BEND7: variants seen among roughly 807,000 people sequenced by gnomAD.
BEND7 encodes the protein BEN domain-containing protein 7.
A neutral mutation model predicts 50.9 loss-of-function variants in BEND7; 28 were observed. That is an observed-to-expected ratio of 0.55 (90% confidence interval 0.41 to 0.75). The LOEUF is 0.75. BEND7 is among the 30% of genes least tolerant of loss of function. BEND7 has a pLI of 0.00. For synonymous variants in BEND7, 170 were observed against 183.9 expected (o/e 0.92, Z 0.61); for missense variants, 477 against 491.3 (o/e 0.97, Z 0.28).
chr10:13,441,878 A>G, intron 8 of BEND7, 128 bp from the exon 9 acceptor site: 1 of 900,782 alleles, frequency 1.1e-6, no homozygotes, highest in African/African-American at 1.7e-5. Context: ...CAAAAGAAGA[A>G]AAAGAAGCCA....
downstream of BEND7, chr10:13,441,020 A>G (rs1266741227): frequency 2.5e-6 from 2 of 805,434 alleles, no homozygotes; most frequent in Middle Eastern, 1.3e-3. Flanking sequence ...CCTTTTAATT[A>G]ATGAACAGCA....
chr10:13,507,921 A>T lies in BEND7; in HGVS notation c.146-7841T>A, dbSNP rs952554760. 2.0e-5 allele frequency among the ~76,000 whole-genome samples: 3 copies of T among 152,264 alleles called. No homozygotes were observed. The East Asian group carries it at 5.8e-4, about 29-fold the overall frequency. On this transcript the variant is annotated intron_variant, in intron 2 of 8. Transcript: ENST00000466271. The stretch of plus-strand genomic sequence containing the variant: ...AAGAGTTTATCAGTGAGAAATAATA[A>T]GATGACCAGGATTATACTATATGGT...
chr10:13,507,091 G>A (rs1439817549), intron 2 of BEND7, among the ~76,000 whole-genome samples: 3 of 152,244 alleles, frequency 2.0e-5, no homozygotes, highest in African/African-American at 7.2e-5. Context: ...AAGCCCCTGA[G>A]GGTCATGGAT....
At position 13,496,895 on chromosome 10, in the gene BEND7, A is replaced by G. The variant is rs2077055927; in HGVS notation, c.449-7T>C. The G allele has an allele frequency of 6.3e-7, 1 of 1,593,108 alleles. No homozygotes were observed. Reference sequence around the variant, plus strand: ...TTCACCACTGGAAGTTCTCCTGAGCATGAAAGAAAAGAATGACATACTCCA... The same window carrying G: ...TTCACCACTGGAAGTTCTCCTGAGCGTGAAAGAAAAGAATGACATACTCCA... On this transcript the variant is annotated splice_region_variant and splice_polypyrimidine_tract_variant and intron_variant, in intron 3 of 8. Coordinates refer to ENST00000466271, the MANE Select transcript of BEND7 (RefSeq NM_001369863.1).
At chr10:13,519,442 C>T (rs954847093) in intron 2 of BEND7, among the ~76,000 whole-genome samples, 12 of 151,510 alleles carry the variant, frequency 7.9e-5, no homozygotes, top group Admixed American at 3.3e-4. Flanking sequence ...CGCCACTGCA[C>T]TCCAGCCTGG....
At chr10:13,438,578 A>C (rs1317881510), downstream of BEND7, 1 of 152,426 alleles carries the variant, frequency 6.6e-6, no homozygotes, top group African/African-American at 2.4e-5. Flanking sequence ...GGGGATAATC[A>C]ATTTCACGCA....
intron 5 of BEND7, among the ~76,000 whole-genome samples, chr10:13,491,311 T>TAAAAAA (rs757106538): frequency 7.2e-5 from 7 of 97,404 alleles, no homozygotes; most frequent in African/African-American, 2.8e-4. Context: ...AGACTCTGTC[T>TAAAAAA]AAAAAAAAAA....
At chr10:13,445,931 G>C (rs746706718) in intron 8 of BEND7, 18 of 152,212 alleles carry the variant, frequency 1.2e-4, no homozygotes, top group Non-Finnish European at 2.1e-4. Flanking sequence ...GGTCTATTAC[G>C]ATTAGGATTT....
Position 13,518,118 on chromosome 10 carries a change from A to T in BEND7, c.145+8020T>A, listed in dbSNP as rs528830567. 4.6e-5 allele frequency among the ~76,000 whole-genome samples: 7 copies of T among 152,230 alleles called. No homozygotes were observed. In the East Asian group the frequency reaches 7.7e-4, roughly 17 times the overall value. On this transcript the variant is annotated intron_variant, in intron 2 of 8. Coordinates refer to ENST00000466271, the MANE Select transcript of BEND7 (RefSeq NM_001369863.1). ...AGATTCTATCCTTCATGAATTTATT[A>T]TTTTTTTTCAATGATTTGGTCATGA...
intron 6 of BEND7, chr10:13,459,755 G>A (rs964789713): frequency 2.0e-5 from 3 of 152,248 alleles, no homozygotes; most frequent in African/African-American, 7.2e-5. Context: ...GCAATGCAGA[G>A]GTGAAGGATT....
At chr10:13,480,595 C>G in intron 6 of BEND7, 1 of 961,826 alleles carries the variant, frequency 1.0e-6, no homozygotes, top group Non-Finnish European at 1.2e-6. Context: ...TGAGGAAGCT[C>G]TTAGAAATTA....
rs181017860 is a variant in BEND7 at position 13,503,397 on chromosome 10, T to A, written c.146-3317A>T. On this transcript the variant is annotated intron_variant, in intron 2 of 8. Coordinates refer to ENST00000466271, the MANE Select transcript of BEND7 (RefSeq NM_001369863.1). ...AGTAAGCTCACGGCCTAGCTCACTG[T>A]GGCATGTTTTAAAGGATGGAACACA... Among the ~76,000 whole-genome samples the A allele has an allele frequency of 3.3e-5, 5 of 152,290 alleles. No homozygotes were observed. The East Asian group carries it at 9.6e-4, about 29-fold the overall frequency.
intron 6 of BEND7, among the ~76,000 whole-genome samples, chr10:13,464,042 G>A (rs1245012752): frequency 6.6e-6 from 1 of 152,250 alleles, no homozygotes; most frequent in East Asian, 1.9e-4. Context: ...TGGCAAGAAT[G>A]CGGGAAAGTG....
At chr10:13,501,170 T>C in intron 2 of BEND7, among the ~76,000 whole-genome samples, 1 of 151,064 alleles carries the variant, frequency 6.6e-6, no homozygotes, top group East Asian at 2.0e-4. Context: ...AGGTCGGGAG[T>C]TCGAGACCAG....
At chr10:13,458,080 A>G (rs996553398) in intron 6 of BEND7, among the ~76,000 whole-genome samples, 1 of 152,258 alleles carries the variant, frequency 6.6e-6, no homozygotes, top group African/African-American at 2.4e-5. Context: ...TTTGAGTTCC[A>G]AGGCACAGGG....
intron 6 of BEND7, among the ~76,000 whole-genome samples, chr10:13,473,115 TA>T (rs1165866973): frequency 1.3e-5 from 2 of 152,004 alleles, no homozygotes; most frequent in East Asian, 3.9e-4. Context: ...TTGGGGTCAA[TA>T]ACCATCATCA....
chr10:13,518,068 G>T (rs1044730979), intron 2 of BEND7, among the ~76,000 whole-genome samples: 5 of 152,216 alleles, frequency 3.3e-5, no homozygotes, highest in African/African-American at 1.2e-4. Flanking sequence ...ATCACAGGGA[G>T]GCTGAATTGT....
At chr10:13,464,541 G>A (rs569307548) in intron 6 of BEND7, among the ~76,000 whole-genome samples, 8 of 152,276 alleles carry the variant, frequency 5.3e-5, no homozygotes, top group African/African-American at 1.4e-4. Flanking sequence ...ACTCTGGGGC[G>A]GGGAAGAGAG....
intron 2 of BEND7, among the ~76,000 whole-genome samples, chr10:13,515,709 G>A (rs1011244429): frequency 2.0e-5 from 3 of 152,236 alleles, no homozygotes; most frequent in South Asian, 2.1e-4. Flanking sequence ...CCTCTCATCC[G>A]CTCCCCCTTC....
Sources: allele counts gnomAD v4.1 joint callset (sites outside exome capture counted in the v4.1 genomes callset), GRCh38; gene constraint gnomAD v4.1.1; transcripts MANE v1.5; gene names NCBI Gene and HGNC (gene_info 2026-07-23, HGNC 2026-07-21).